DLG2: variants seen among roughly 807,000 people sequenced by gnomAD.
DLG2 encodes the protein discs large MAGUK scaffold protein 2.
DLG2 carries 45 observed loss-of-function variants against 132.5 expected under a neutral mutation model. The observed-to-expected ratio is 0.34, with a 90% CI of 0.27 to 0.44. DLG2 has a LOEUF of 0.44. Ranked by LOEUF, DLG2 falls within the 20% of genes least tolerant of loss-of-function variation. The pLI is 1.00. For synonymous variants in DLG2, 424 were observed against 419.6 expected (o/e 1.01, Z -0.13); for missense variants, 1,045 against 1,196.9 (o/e 0.87, Z 1.87).
At chr11:85,438,767 C>T (rs1233578738) in intron 3 of DLG2, among the ~76,000 whole-genome samples, 1 of 152,142 alleles carries the variant, frequency 6.6e-6, no homozygotes, top group Non-Finnish European at 1.5e-5. Flanking sequence ...TTTCTACTAT[C>T]GGAGTCAAGA....
At chr11:83,784,761 G>T (rs1015374631) in intron 18 of DLG2, among the ~76,000 whole-genome samples, 4 of 152,150 alleles carry the variant, frequency 2.6e-5, no homozygotes, top group African/African-American at 9.7e-5. Flanking sequence ...AAGTCATTCT[G>T]TTCAAGGTTA....
At chr11:85,193,383 TAA>T (rs1595252075) in intron 4 of DLG2, among the ~76,000 whole-genome samples, 1 of 152,264 alleles carries the variant, frequency 6.6e-6, no homozygotes, top group Admixed American at 6.5e-5. Flanking sequence ...CATTCATATA[TAA>T]GTTTTCATAG....
chr11:84,868,019 A>C (rs902975908), intron 6 of DLG2, among the ~76,000 whole-genome samples: 11 of 151,606 alleles, frequency 7.3e-5, no homozygotes, highest in African/African-American at 2.7e-4. Context: ...GCTTGCAGTG[A>C]GCTGAGATCG....
chr11:84,044,940 G>C (rs1367445053), intron 11 of DLG2, among the ~76,000 whole-genome samples: 2 of 151,612 alleles, frequency 1.3e-5, no homozygotes, highest in Admixed American at 1.3e-4. Flanking sequence ...TTAGTCACAG[G>C]TTTTTAAGTG....
intron 18 of DLG2, among the ~76,000 whole-genome samples, chr11:83,645,412 AT>A (rs2067871887): frequency 6.6e-6 from 1 of 152,138 alleles, no homozygotes; most frequent in South Asian, 2.1e-4. Flanking sequence ...CCTAAGGAAT[AT>A]TTATAGATGA....
At chr11:84,301,531 C>T (rs550256743) in intron 7 of DLG2, among the ~76,000 whole-genome samples, 4 of 151,636 alleles carry the variant, frequency 2.6e-5, no homozygotes, top group Admixed American at 6.6e-5. Context: ...CTGGTGGCGG[C>T]GCCTATAGTC....
chr11:84,188,334 T>A (rs1408757005), intron 8 of DLG2, among the ~76,000 whole-genome samples: 1 of 152,156 alleles, frequency 6.6e-6, no homozygotes, highest in Admixed American at 6.6e-5. Context: ...TACAGTCACA[T>A]TTTTAAGTAA....
At chr11:85,261,918 G>GT (rs1256817818) in intron 4 of DLG2, among the ~76,000 whole-genome samples, 2 of 152,116 alleles carry the variant, frequency 1.3e-5, no homozygotes, top group Non-Finnish European at 2.9e-5. Flanking sequence ...AGTGAAGGTG[G>GT]TTTGTCAGGG....
At chr11:83,950,391 T>C (rs1300994775) in intron 14 of DLG2, among the ~76,000 whole-genome samples, 1 of 152,094 alleles carries the variant, frequency 6.6e-6, no homozygotes, top group East Asian at 1.9e-4. Context: ...GGTCAGGAGT[T>C]CGAGACCAGC....
chr11:83,607,133 G>A (rs996646627), intron 19 of DLG2, among the ~76,000 whole-genome samples: 1 of 152,094 alleles, frequency 6.6e-6, no homozygotes, highest in Non-Finnish European at 1.5e-5. Flanking sequence ...AGTAACAGCT[G>A]GATTGGTTAC....
intron 3 of DLG2, among the ~76,000 whole-genome samples, chr11:85,403,628 T>C (rs939228550): frequency 5.9e-5 from 9 of 151,968 alleles, no homozygotes; most frequent in African/African-American, 2.2e-4. Flanking sequence ...TCTAGTGTTT[T>C]GTGGGCAGGG....
At chr11:84,858,883 T>A (rs564548013) in intron 6 of DLG2, among the ~76,000 whole-genome samples, 1 of 152,082 alleles carries the variant, frequency 6.6e-6, no homozygotes, top group Non-Finnish European at 1.5e-5. Flanking sequence ...ATACACATTT[T>A]AAAACTAACA....
intron 6 of DLG2, among the ~76,000 whole-genome samples, chr11:85,036,066 ACTTAGT>A (rs1318306554): frequency 6.6e-6 from 1 of 152,212 alleles, no homozygotes; most frequent in Non-Finnish European, 1.5e-5. Context: ...GAAGCAAATT[ACTTAGT>A]CTTAGCTTCC....
intron 7 of DLG2, among the ~76,000 whole-genome samples, chr11:84,313,567 G>GGGAGGGT (rs2098316822): frequency 9.9e-6 from 1 of 100,516 alleles, no homozygotes; most frequent in African/African-American, 3.7e-5. Context: ...GGAGGGAGGA[G>GGGAGGGT]AGAGAGAGAG....
intron 3 of DLG2, among the ~76,000 whole-genome samples, chr11:85,410,144 T>G (rs1472344080): frequency 1.3e-5 from 2 of 151,806 alleles, no homozygotes; most frequent in Admixed American, 1.3e-4. Flanking sequence ...GTTAGCAAGT[T>G]AATGAAAACA....
At chr11:85,096,924 G>T (rs548063449) in intron 6 of DLG2, among the ~76,000 whole-genome samples, 1 of 152,196 alleles carries the variant, frequency 6.6e-6, no homozygotes, top group South Asian at 2.1e-4. Flanking sequence ...ACTATCTTCC[G>T]CTTTTCCTGT....
intron 6 of DLG2, among the ~76,000 whole-genome samples, chr11:85,016,331 G>C (rs1299860901): frequency 1.3e-5 from 2 of 151,964 alleles, no homozygotes; most frequent in Non-Finnish European, 2.9e-5. Context: ...TATCTTAATG[G>C]TTATTCACTC....
At chr11:85,418,671 G>A (rs1396708697) in intron 3 of DLG2, among the ~76,000 whole-genome samples, 2 of 152,100 alleles carry the variant, frequency 1.3e-5, no homozygotes, top group Non-Finnish European at 2.9e-5. Context: ...TCTTCTTGTT[G>A]CATTGATCCC....
chr11:83,523,672 A>C (rs769275923), intron 21 of DLG2, among the ~76,000 whole-genome samples: 3 of 152,236 alleles, frequency 2.0e-5, no homozygotes, highest in African/African-American at 2.4e-5. Flanking sequence ...AGAAAATAAC[A>C]AATCTACAGA....
Sources: gnomAD v4.1 joint callset for allele counts (sites outside exome capture counted in the v4.1 genomes callset) on GRCh38, gnomAD v4.1.1 for gene constraint, MANE v1.5 for transcripts, NCBI Gene and HGNC (gene_info 2026-07-23, HGNC 2026-07-21) for gene names.